SLC27A3: variants seen among roughly 807,000 people sequenced by gnomAD.
SLC27A3 encodes the protein long-chain fatty acid transport protein 3.
A neutral mutation model predicts 60.1 loss-of-function variants in SLC27A3; 60 were observed. The observed-to-expected ratio is 1.00, with a 90% CI of 0.81 to 1.24. The LOEUF is 1.24. Ranked by LOEUF, SLC27A3 falls within the 50% of genes most tolerant of loss-of-function variation. The probability of loss-of-function intolerance (pLI) is 0.00; values close to 1 mark genes in which losing one functional copy is unlikely to be tolerated. For synonymous variants in SLC27A3, 455 were observed against 409.0 expected (o/e 1.11, Z -1.36); for missense variants, 1,079 against 929.9 (o/e 1.16, Z -2.09).
In SLC27A3 at chr1:153,775,925, G is replaced by A. The variant is rs780334151; in HGVS notation, c.428G>A (p.Gly143Glu). 7 of 1,462,786 alleles carry A rather than the reference G, an allele frequency of 4.8e-6. No individual in the cohort carries two copies. Among genetic ancestry groups the A allele is most frequent in the Non-Finnish European group, 6.3e-6 (7 of 1,114,992 alleles). 90.6% of individuals were successfully genotyped at this position (1,462,786 alleles called of 1,614,324 possible). Residue 143 changes from glycine to glutamate, a missense_variant, in exon 1 of 10, where the codon GGA (glycine) becomes GAA (glutamate). By Grantham distance (98) the Gly-to-Glu change is moderately conservative. Transcript: ENST00000624995. ...CCGGGAGCCGGAGATGCAGCGGCCG[G>A]AAGCGGCGCGGAGTTTGCCGGAGGG... The part of the protein sequence containing the change: ...AAPGAGDAAA[G>E]SGAEFAGGDG...
At position 153,777,176 on chromosome 1, in the gene SLC27A3, A is replaced by T; in HGVS notation, c.992A>T (p.His331Leu). The change falls in exon 3 of 10, where the codon CAC becomes CTC. Residue 331 changes from histidine (H) to leucine (L), a missense_variant. Coordinates refer to ENST00000624995, the MANE Select transcript of SLC27A3 (RefSeq NM_024330.4). ...DVIYLALPLY[H>L]MSGSLLGIVG... ...ATCTACCTCGCCCTCCCACTCTACC[A>T]CATGTCCGGTTCCCTGCTGGGCATC... 1 of 1,614,210 alleles carries T rather than the reference A, an allele frequency of 6.2e-7. No individual in the cohort carries two copies. Among genetic ancestry groups the T allele is most frequent in the Non-Finnish European group, 8.5e-7 (1 of 1,180,044 alleles).
At chr1:153,776,402 C>T in intron 1 of SLC27A3, 116 bp from the exon 2 acceptor site, 1 of 1,282,322 alleles carries the variant, frequency 7.8e-7, no homozygotes, top group Non-Finnish European at 1.1e-6. Flanking sequence ...GATGGAATGT[C>T]CATACCCTTC....
In SLC27A3 at chr1:153,779,570, C is replaced by G. The variant is rs1004485718; in HGVS notation, c.1875+97C>G. On this transcript the variant is annotated intron_variant, in intron 9 of 9. Transcript: ENST00000624995. Reference sequence around the variant, plus strand: ...ACTTAGGAGTTTGATGGCTCCCAAACTCCACAAAGGGACCCCCAACGTAAT... The same window carrying G: ...ACTTAGGAGTTTGATGGCTCCCAAAGTCCACAAAGGGACCCCCAACGTAAT... The G allele has an allele frequency of 2.2e-5, 31 of 1,399,830 alleles. No individual in the cohort carries two copies. In the African/African-American group the frequency reaches 2.6e-4, roughly 12 times the overall value. 86.7% of individuals were successfully genotyped at this position (1,399,830 alleles called of 1,614,324 possible).
rs746960985 is a variant in SLC27A3, at chr1:153,777,781, T to TC, written c.1059dup (p.Lys354GlnfsTer42). The TC allele has an allele frequency of 7.4e-6, 12 of 1,614,046 alleles. No individual in the cohort carries two copies. Among genetic ancestry groups the TC allele is most frequent in the Non-Finnish European group, 1.0e-5 (12 of 1,180,028 alleles). On this transcript the variant is annotated frameshift_variant, in exon 4 of 10. Transcript: ENST00000624995. LOFTEE classifies it high-confidence loss of function. ...GGCAGGGGCCACAGTGGTGCTGAAA[T>TC]CCAAGTTCTCGGCTGGTCAGTTCTG...
intron 9 of SLC27A3, 27 bp downstream of exon 9, chr1:153,779,500 C>T (rs773341924): frequency 1.2e-6 from 2 of 1,605,474 alleles, no homozygotes; most frequent in Non-Finnish European, 1.7e-6. Context: ...CCCGCCGGCC[C>T]CTCACCCCAT....
Position 153,775,862 on chromosome 1 carries a change from GC to G in SLC27A3, c.366del (p.Ser122ArgfsTer114). On this transcript the variant is annotated frameshift_variant, in exon 1 of 10. Transcript: ENST00000624995. LOFTEE classifies it high-confidence loss of function. ...GACTGGGGACCCGACGGCGGCGACAGCGGCGAGGGGAGCGCTGGAGAAGGCG... is the reference window on the plus strand; with the variant it reads ...GACTGGGGACCCGACGGCGGCGACAGGGCGAGGGGAGCGCTGGAGAAGGCG... The part of the protein sequence containing the change: ...GWDWGPDGGD[S>X]GEGSAGEGER... 1 of 1,492,928 alleles carries G rather than the reference GC, an allele frequency of 6.7e-7. No homozygotes were observed. The highest frequency in any genetic ancestry group is 8.9e-7 in the Non-Finnish European group (1 of 1,126,786). The allele number at this position is 1,492,928 out of a possible 1,614,324, so 92.5% of individuals were successfully genotyped here.
chr1:153,776,497 T>C, intron 1 of SLC27A3, 21 bp from the exon 2 acceptor site: 1 of 1,606,522 alleles, frequency 6.2e-7, no homozygotes, highest in Non-Finnish European at 8.5e-7. Context: ...GCCCCGGCGT[T>C]GTGCTTTCCC....
At chr1:153,779,034 G>A in intron 7 of SLC27A3, 80 bp from the exon 8 acceptor site, 1 of 1,488,360 alleles carries the variant, frequency 6.7e-7, no homozygotes, top group Non-Finnish European at 9.4e-7. Context: ...CTGTGACACT[G>A]ACCTCTGACC....
At chr1:153,778,625 T>G in intron 6 of SLC27A3, 62 bp from the exon 7 acceptor site, 1 of 1,608,290 alleles carries the variant, frequency 6.2e-7, no homozygotes, top group Non-Finnish European at 8.5e-7. Context: ...GAGACTGGGG[T>G]GGATGGGGGC....
chr1:153,775,836 G>T lies in SLC27A3; in HGVS notation c.339G>T (p.Trp113Cys). The T allele has an allele frequency of 6.7e-7, 1 of 1,495,936 alleles. No individual in the cohort carries two copies. The allele number at this position is 1,495,936 out of a possible 1,614,324, so 92.7% of individuals were successfully genotyped here. The change falls in exon 1 of 10, where the codon TGG becomes TGT. Residue 113 changes from tryptophan (W) to cysteine (C), a missense_variant. Transcript: ENST00000624995. ...GCGCCTTCCTACGTGCGCTAGGCTG[G>T]GACTGGGGACCCGACGGCGGCGACA... ...AARAFLRALGWDWGPDGGDSG... is the reference protein window; with the variant it reads ...AARAFLRALGCDWGPDGGDSG...
intron 7 of SLC27A3, 91 bp from the exon 8 acceptor site, chr1:153,779,023 C>T: frequency 6.8e-7 from 1 of 1,472,080 alleles, no homozygotes. Context: ...CCATTTCATC[C>T]CTGTGACACT....
rs1218297742 is a variant in SLC27A3, at chr1:153,778,822, A to C, written c.1583A>C (p.Asp528Ala). 1.6e-5 allele frequency: 26 copies of C among 1,613,956 alleles called. No individual in the cohort carries two copies. Among genetic ancestry groups the C allele is most frequent in the Non-Finnish European group, 2.1e-5 (25 of 1,180,006 alleles). The change falls in exon 7 of 10, where the codon GAC becomes GCC. Residue 528 changes from aspartate to alanine, a missense_variant. Physicochemically the swap from Asp to Ala is moderately radical, Grantham distance 126. Coordinates refer to ENST00000624995, the MANE Select transcript of SLC27A3 (RefSeq NM_024330.4). ...GGGGATGTTTTCTTCAACACTGGGG[A>C]CCTGCTGGTCTGCGATGACCAAGGT... ...RPGDVFFNTG[D>A]LLVCDDQGFL...
intron 9 of SLC27A3, 60 bp from the exon 10 acceptor site, chr1:153,779,766 C>G: frequency 1.3e-6 from 2 of 1,528,906 alleles, no homozygotes. Context: ...TCAGGCAACT[C>G]CCCTGAACCA....
In SLC27A3 at chr1:153,776,008, GCGCTGCTCCTCCC is replaced by G; in HGVS notation, c.517_529del (p.Leu173AlafsTer59). The stretch of plus-strand genomic sequence containing the variant: ...CCCTCTGTCACCTGGAGCAACTGTG[GCGCTGCTCCTCCC>G]CGCTGGCCCAGAGTTTCTGTGGCTC... On this transcript the variant is annotated frameshift_variant, in exon 1 of 10. Coordinates refer to ENST00000624995, the MANE Select transcript of SLC27A3 (RefSeq NM_024330.4). LOFTEE classifies it high-confidence loss of function. 6.9e-7 allele frequency: 1 copy of G among 1,451,778 alleles called. No homozygotes were observed. The allele number at this position is 1,451,778 out of a possible 1,614,324, so 89.9% of individuals were successfully genotyped here. A position where few individuals can be genotyped will look rare whatever the true frequency, so the allele number is the denominator to read the frequency against.
rs1032618977 is a variant in SLC27A3 at position 153,778,959 on chromosome 1, C to A, written c.1646+74C>A. The A allele has an allele frequency of 2.6e-6, 4 of 1,520,106 alleles. No homozygotes were observed. In the Admixed American group the frequency reaches 6.7e-5, roughly 26 times the overall value. The allele number at this position is 1,520,106 out of a possible 1,614,324, so 94.2% of individuals were successfully genotyped here. On this transcript the variant is annotated intron_variant, in intron 7 of 9. Coordinates refer to ENST00000624995, the MANE Select transcript of SLC27A3 (RefSeq NM_024330.4). Reference sequence around the variant, plus strand: ...TCCAAAGCTTCTGAACCTCAACTCTCTAATCTGCCACCTCAACCTGGGTCC... The same window carrying A: ...TCCAAAGCTTCTGAACCTCAACTCTATAATCTGCCACCTCAACCTGGGTCC...
chr1:153,775,509 CCTGCTGCTGCCCCTG>C lies in SLC27A3; in HGVS notation c.19_33del (p.Pro8_Leu12del). 1 of 1,612,086 alleles carries C rather than the reference CCTGCTGCTGCCCCTG, an allele frequency of 6.2e-7. No individual in the cohort carries two copies. The highest frequency in any genetic ancestry group is 8.5e-7 in the Non-Finnish European group (1 of 1,179,294). On this transcript the variant is annotated inframe_deletion, in exon 1 of 10. Transcript: ENST00000624995. ...AGGAAGCGGGCTCCATGGCTGCCCT[CCTGCTGCTGCCCCTG>C]CTGCTGTTGCTACCGCTGCTGCTGC... is the stretch of plus-strand genomic sequence containing the variant.
intron 4 of SLC27A3, 25 bp from the exon 5 acceptor site, chr1:153,778,136 C>G: frequency 2.5e-6 from 4 of 1,585,908 alleles, no homozygotes; most frequent in Non-Finnish European, 3.4e-6. Flanking sequence ...TGCTGAAGCT[C>G]CGGCCCCTCT....
intron 2 of SLC27A3, 134 bp from the exon 3 acceptor site, chr1:153,776,928 A>T: frequency 9.3e-7 from 1 of 1,069,544 alleles, no homozygotes; most frequent in East Asian, 2.5e-5. Flanking sequence ...TATTTCCAGG[A>T]CAGCCTGGTC....
chr1:153,775,823 G>A lies in SLC27A3; in HGVS notation c.326G>A (p.Arg109His). Residue 109 changes from arginine to histidine, a missense_variant, in exon 1 of 10, where the codon CGT (arginine) becomes CAT (histidine). Physicochemically the swap from Arg to His is conservative, Grantham distance 29 (BLOSUM62 0). Coordinates refer to ENST00000624995, the MANE Select transcript of SLC27A3 (RefSeq NM_024330.4). Reference protein sequence around the residue: ...ESNRAARAFLRALGWDWGPDG... With the variant: ...ESNRAARAFLHALGWDWGPDG... ...AACAGGGCTGCACGCGCCTTCCTAC[G>A]TGCGCTAGGCTGGGACTGGGGACCC... 7 of 1,496,208 alleles carry A rather than the reference G, an allele frequency of 4.7e-6. No individual in the cohort carries two copies. The highest frequency in any genetic ancestry group is 2.5e-5 in the East Asian group (1 of 39,716). 92.7% of individuals were successfully genotyped at this position (1,496,208 alleles called of 1,614,324 possible).
Sources: allele counts gnomAD v4.1 joint callset, GRCh38; gene constraint gnomAD v4.1.1; transcripts MANE v1.5; gene names NCBI Gene and HGNC (gene_info 2026-07-23, HGNC 2026-07-21).